Variants in RSBN1L observed in about 807,000 individuals in gnomAD.
The protein encoded by RSBN1L is lysine-specific demethylase RSBN1L.
A neutral mutation model predicts 67.7 loss-of-function variants in RSBN1L; 30 were observed. That is an observed-to-expected ratio of 0.44 (90% CI 0.33 to 0.60). RSBN1L has a LOEUF of 0.60. Ranked by LOEUF, RSBN1L falls within the 20% of genes least tolerant of loss-of-function variation. The probability of loss-of-function intolerance (pLI) is 0.02; values close to 1 mark genes in which losing one functional copy is unlikely to be tolerated. For synonymous variants in RSBN1L, 433 were observed against 387.0 expected, an observed-to-expected ratio of 1.12 and a Z score of -1.39; for missense variants, 992 against 1,031.7, an observed-to-expected ratio of 0.96 and a Z score of 0.53.
At chr7:77,700,275 A>G (rs1790798124) in intron 1 of RSBN1L, among the ~76,000 whole-genome samples, 2 of 152,218 alleles carry the variant, frequency 1.3e-5, no homozygotes, top group Non-Finnish European at 2.9e-5. Flanking sequence ...ATGGCAAACC[A>G]CAACAAATAT....
chr7:77,727,692 C>T (rs1184987554), intron 1 of RSBN1L, among the ~76,000 whole-genome samples: 2 of 151,792 alleles, frequency 1.3e-5, no homozygotes, highest in Non-Finnish European at 2.9e-5. Context: ...TCTTACCCTC[C>T]TGGCATCAAG....
intron 2 of RSBN1L, among the ~76,000 whole-genome samples, chr7:77,742,475 A>G (rs543048067): frequency 3.3e-5 from 5 of 152,258 alleles, no homozygotes; most frequent in Non-Finnish European, 5.9e-5. Flanking sequence ...CATTGGTCAT[A>G]TAGGCACCAT....
intron 5 of RSBN1L, among the ~76,000 whole-genome samples, chr7:77,770,186 C>T (rs555697476): frequency 6.6e-6 from 1 of 152,038 alleles, no homozygotes; most frequent in Non-Finnish European, 1.5e-5. Context: ...TCAGCCTGGC[C>T]AACATGAGGA....
chr7:77,719,376 G>T (rs1791087211), intron 1 of RSBN1L, among the ~76,000 whole-genome samples: 3 of 152,144 alleles, frequency 2.0e-5, no homozygotes, highest in Admixed American at 2.0e-4. Context: ...CACACATATT[G>T]TTATCATTAA....
chr7:77,721,017 C>T (rs897548576), intron 1 of RSBN1L, among the ~76,000 whole-genome samples: 2 of 152,010 alleles, frequency 1.3e-5, no homozygotes, highest in African/African-American at 4.8e-5. Context: ...GCTGGGATTA[C>T]AGCGGTGAGC....
chr7:77,776,484 T>A (rs1048598151), intron 6 of RSBN1L, among the ~76,000 whole-genome samples: 1 of 152,242 alleles, frequency 6.6e-6, no homozygotes, highest in Non-Finnish European at 1.5e-5. Context: ...TCTGTAGGTA[T>A]ATGTCTATTC....
chr7:77,720,483 C>G (rs1283042451), intron 1 of RSBN1L, among the ~76,000 whole-genome samples: 1 of 151,986 alleles, frequency 6.6e-6, no homozygotes, highest in Non-Finnish European at 1.5e-5. Flanking sequence ...CGCTTGAACC[C>G]GGGAGGCAGA....
chr7:77,700,592 A>C (rs1449373742), intron 1 of RSBN1L, among the ~76,000 whole-genome samples: 1 of 152,234 alleles, frequency 6.6e-6, no homozygotes, highest in Admixed American at 6.5e-5. Context: ...ACTCTCCTCC[A>C]GTATTGTTAC....
At chr7:77,725,399 C>T (rs1448179019) in intron 1 of RSBN1L, among the ~76,000 whole-genome samples, 1 of 150,020 alleles carries the variant, frequency 6.7e-6, no homozygotes, top group East Asian at 2.0e-4. Flanking sequence ...AGGCATGCGC[C>T]ACCATGCCCG....
At chr7:77,743,571 C>T (rs1791442638) in intron 2 of RSBN1L, among the ~76,000 whole-genome samples, 1 of 149,272 alleles carries the variant, frequency 6.7e-6, no homozygotes, top group Non-Finnish European at 1.5e-5. Context: ...ATGAAATAGA[C>T]TAAGTGTTGT....
intron 3 of RSBN1L, among the ~76,000 whole-genome samples, chr7:77,757,270 C>A (rs950178567): frequency 1.3e-5 from 2 of 152,152 alleles, no homozygotes; most frequent in Non-Finnish European, 2.9e-5. Flanking sequence ...CATCCCTGTT[C>A]TTTTGTCTTC....
chr7:77,736,553 C>T (rs763699080), intron 2 of RSBN1L, 27 bp downstream of exon 2: 16 of 1,245,886 alleles, frequency 1.3e-5, no homozygotes, highest in Non-Finnish European at 1.6e-5. Flanking sequence ...GATTTTAGTT[C>T]TACTTTATTA....
chr7:77,729,089 A>G (rs1006817557), intron 1 of RSBN1L, among the ~76,000 whole-genome samples: 5 of 152,076 alleles, frequency 3.3e-5, no homozygotes, highest in African/African-American at 1.2e-4. Context: ...TCTTGGCTGT[A>G]GTCTGTTTTT....
At chr7:77,711,779 T>A (rs1432746167) in intron 1 of RSBN1L, among the ~76,000 whole-genome samples, 2 of 152,262 alleles carry the variant, frequency 1.3e-5, no homozygotes, top group African/African-American at 4.8e-5. Context: ...CATGTTTAAG[T>A]ACAGTGTAAA....
chr7:77,736,957 C>T (rs1791345842), intron 2 of RSBN1L, among the ~76,000 whole-genome samples: 1 of 152,070 alleles, frequency 6.6e-6, no homozygotes, highest in East Asian at 1.9e-4. Context: ...TTAGAGGGAA[C>T]ATTTTACTCT....
At chr7:77,728,993 T>C (rs1341671593) in intron 1 of RSBN1L, among the ~76,000 whole-genome samples, 2 of 152,166 alleles carry the variant, frequency 1.3e-5, no homozygotes, top group Non-Finnish European at 2.9e-5. Context: ...GCTCTGCCAT[T>C]TGATGATGCC....
chr7:77,707,000 G>A (rs759935606), intron 1 of RSBN1L, among the ~76,000 whole-genome samples: 7 of 150,918 alleles, frequency 4.6e-5, no homozygotes, highest in East Asian at 1.9e-4. Context: ...CTGTATACCC[G>A]TATGAATTCC....
intron 2 of RSBN1L, among the ~76,000 whole-genome samples, chr7:77,748,551 G>T (rs1791513450): frequency 6.6e-6 from 1 of 152,018 alleles, no homozygotes; most frequent in South Asian, 2.1e-4. Flanking sequence ...GCAGTGGCAC[G>T]ATCTTGGCTC....
At position 77,781,459 on chromosome 7, in the gene RSBN1L, ATATT is replaced by A. The variant is rs1265493153; in HGVS notation, c.*2294_*2297del. 6.6e-6 allele frequency: 1 copy of A among 152,218 alleles called. No homozygotes were observed. Among genetic ancestry groups the A allele is most frequent in the African/African-American group, 2.4e-5 (1 of 41,448 alleles). The allele number at this position is 152,218 out of a possible 1,614,324, so 9.4% of individuals were successfully genotyped here. A position where few individuals can be genotyped will look rare whatever the true frequency, so the allele number is the denominator to read the frequency against. ...TTTCTCTTTAAAGTTGAAGAATGAT[ATATT>A]TAACAAGAGTTGTGTTTTATTTCCA... On this transcript the variant is annotated 3_prime_UTR_variant, in exon 8 of 8. Transcript: ENST00000334955.
Sources: gnomAD v4.1 joint callset for allele counts (sites outside exome capture counted in the v4.1 genomes callset) on GRCh38, gnomAD v4.1.1 for gene constraint, MANE v1.5 for transcripts, NCBI Gene and HGNC (gene_info 2026-07-23, HGNC 2026-07-21) for gene names.